Variants in TXN2 observed in about 807,000 individuals in gnomAD.
TXN2 encodes the protein thioredoxin, mitochondrial.
TXN2 carries 12 observed loss-of-function variants against 14.6 expected under a neutral mutation model. The ratio of observed to expected loss-of-function variants is 0.82; its 90% CI spans 0.53 to 1.33. The LOEUF (loss-of-function observed/expected upper bound fraction) is 1.33. Ranked by LOEUF, TXN2 falls within the 40% of genes most tolerant of loss-of-function variation. The probability of loss-of-function intolerance (pLI) is 0.00; values close to 1 mark genes in which losing one functional copy is unlikely to be tolerated. For missense variants in TXN2, 173 were observed against 207.7 expected (o/e 0.83, Z 1.03); for synonymous variants, 89 against 81.0 (o/e 1.10, Z -0.53).
At chr22:36,477,799 G>C (rs1426942214) in intron 2 of TXN2, among the ~76,000 whole-genome samples, 1 of 152,180 alleles carries the variant, frequency 6.6e-6, no homozygotes, top group African/African-American at 2.4e-5. Context: ...TGCAAGATTA[G>C]AGAAGCACAG....
At chr22:36,474,674 G>C (rs766404053) in intron 3 of TXN2, among the ~76,000 whole-genome samples, 1 of 152,124 alleles carries the variant, frequency 6.6e-6, no homozygotes, top group Non-Finnish European at 1.5e-5. Flanking sequence ...AAAATACTTC[G>C]AGTGCCAGAC....
intron 2 of TXN2, among the ~76,000 whole-genome samples, chr22:36,478,047 G>T (rs1015232639): frequency 7.0e-6 from 1 of 143,762 alleles, no homozygotes; most frequent in Non-Finnish European, 1.5e-5. Context: ...TGAGGCAGGA[G>T]AATCACTTTA....
chr22:36,476,633 T>G (rs1481445767), intron 3 of TXN2, 100 bp downstream of exon 3: 3 of 1,506,982 alleles, frequency 2.0e-6, no homozygotes, highest in African/African-American at 2.8e-5. Context: ...CCTTGCTTAC[T>G]GGCTACCTGT....
chr22:36,469,010 C>T (rs889684463), intron 3 of TXN2, among the ~76,000 whole-genome samples: 1 of 151,784 alleles, frequency 6.6e-6, no homozygotes, highest in Non-Finnish European at 1.5e-5. Flanking sequence ...CCACTGCACT[C>T]CAGCCTGGGT....
At chr22:36,481,640 C>CA (rs370087694), upstream of TXN2, 700 of 949,474 alleles carry the variant, frequency 7.4e-4, 6 homozygotes, top group African/African-American at 0.012. Flanking sequence ...GTCACTTCCT[C>CA]GGGGGGGGAC....
chr22:36,468,702 G>A (rs780744953), intron 3 of TXN2: 2 of 446,054 alleles, frequency 4.5e-6, no homozygotes, highest in Non-Finnish European at 8.9e-6. Context: ...TCCAGCCTGG[G>A]TGACAGAGAC....
chr22:36,480,854 C>T lies in TXN2; in HGVS notation c.1-17G>A, dbSNP rs755186405. ...CTGAGCCATCTGTGAGGGAAAGAGGCAGAAGAACTGGGGCACACAAAAGGA... is the reference window on the plus strand; with the variant it reads ...CTGAGCCATCTGTGAGGGAAAGAGGTAGAAGAACTGGGGCACACAAAAGGA... On this transcript the variant is annotated splice_polypyrimidine_tract_variant and intron_variant, in intron 1 of 3. Coordinates refer to ENST00000216185, the MANE Select transcript of TXN2 (RefSeq NM_012473.4). 1.2e-5 allele frequency: 19 copies of T among 1,538,008 alleles called. No homozygotes were observed. The East Asian group carries it at 2.0e-4, about 17-fold the overall frequency.
intron 2 of TXN2, among the ~76,000 whole-genome samples, chr22:36,477,317 C>T (rs997743103): frequency 1.3e-5 from 2 of 152,196 alleles, no homozygotes; most frequent in African/African-American, 4.8e-5. Flanking sequence ...ACGCCATTCT[C>T]CTGCCTCAGC....
intron 2 of TXN2, among the ~76,000 whole-genome samples, chr22:36,477,234 G>A (rs1436341883): frequency 1.3e-5 from 2 of 152,128 alleles, no homozygotes; most frequent in Admixed American, 6.5e-5. Context: ...TTGAGACGGA[G>A]TCTCGCTCTA....
Position 36,480,808 on chromosome 22 carries a change from G to A in TXN2, c.30C>T (p.Phe10=). The change falls in exon 2 of 4, where the codon TTC becomes TTT. Residue 10 remains phenylalanine (F), a synonymous_variant. Coordinates refer to ENST00000216185, the MANE Select transcript of TXN2 (RefSeq NM_012473.4). MAQRLLLRR[F]LASVISRKPS... is the part of the protein sequence containing the mutation. ...GCTTCCTGGAGATGACAGAGGCCAG[G>A]AACCTCCTCAGAAGAAGTCGCTGAG... The A allele has an allele frequency of 1.2e-6, 2 of 1,601,804 alleles. No homozygotes were observed. Among genetic ancestry groups the A allele is most frequent in the Non-Finnish European group, 1.7e-6 (2 of 1,173,080 alleles).
rs1933174427 is a variant in TXN2 at position 36,467,088 on chromosome 22, T to C, written c.*716A>G. On this transcript the variant is annotated 3_prime_UTR_variant, in exon 4 of 4. Transcript: ENST00000216185. Reference sequence around the variant, plus strand: ...CTTTATTTGTCTGACTTGTTCACAGTTCAGCCCCCTGCTCAGAAAACCAAC... The same window carrying C: ...CTTTATTTGTCTGACTTGTTCACAGCTCAGCCCCCTGCTCAGAAAACCAAC... 2 of 153,318 alleles carry C rather than the reference T, an allele frequency of 1.3e-5. No homozygotes were observed. Among genetic ancestry groups the C allele is most frequent in the African/African-American group, 4.8e-5 (2 of 41,444 alleles). The allele number at this position is 153,318 out of a possible 1,614,324, so 9.5% of individuals were successfully genotyped here.
Position 36,476,775 on chromosome 22 carries a change from C to T in TXN2, c.345G>A (p.Lys115=), listed in dbSNP as rs756866519. 2.0e-5 allele frequency: 33 copies of T among 1,614,160 alleles called. No individual in the cohort carries two copies. The highest frequency in any genetic ancestry group is 2.6e-5 in the Non-Finnish European group (31 of 1,180,032). The change falls in exon 3 of 4, where the codon AAG becomes AAA. Residue 115 remains lysine, a synonymous_variant. Transcript: ENST00000216185. Reference sequence around the variant, plus strand: ...GGTCTGTGTGGTCATCAATATCCACCTTGGCCATCACCACCTTCCCGTGCT... The same window carrying T: ...GGTCTGTGTGGTCATCAATATCCACTTTGGCCATCACCACCTTCCCGTGCT... ...AKQHGKVVMA[K]VDIDDHTDLA...
At chr22:36,468,354 A>C (rs1034059613) in intron 3 of TXN2, among the ~76,000 whole-genome samples, 5 of 152,166 alleles carry the variant, frequency 3.3e-5, no homozygotes, top group African/African-American at 1.2e-4. Context: ...GGGTCACAGC[A>C]CCTTTCTGAG....
At chr22:36,470,794 AAAG>A (rs1182212505) in intron 3 of TXN2, among the ~76,000 whole-genome samples, 3 of 151,926 alleles carry the variant, frequency 2.0e-5, no homozygotes, top group Non-Finnish European at 2.9e-5. Flanking sequence ...AAAAAAAAAA[AAAG>A]AACTCCAGAT....
intron 1 of TXN2, 143 bp downstream of exon 1, chr22:36,481,421 G>T: frequency 5.2e-6 from 1 of 192,954 alleles, no homozygotes; most frequent in Non-Finnish European, 1.1e-5. Flanking sequence ...GAGGGAACTG[G>T]GAAAAATCGG....
At chr22:36,480,957 A>G in intron 1 of TXN2, 120 bp from the exon 2 acceptor site, 1 of 1,107,372 alleles carries the variant, frequency 9.0e-7, no homozygotes, top group Admixed American at 3.2e-5. Flanking sequence ...ATGCAAGGAA[A>G]TCATATGTAA....
intron 2 of TXN2, among the ~76,000 whole-genome samples, chr22:36,477,166 G>A (rs1568978521): frequency 1.3e-5 from 2 of 152,160 alleles, no homozygotes; most frequent in Non-Finnish European, 2.9e-5. Context: ...GGTTCAAACA[G>A]AGGCTTCTCA....
rs1043874366 is a variant in TXN2 at position 36,479,273 on chromosome 22, C to G, written c.263+1302G>C. ...GCCACAGGGTGAGTCAGAGAAACAA[C>G]TGGAAAGCCAGCGAAACAATCTGTC... On this transcript the variant is annotated intron_variant, in intron 2 of 3. Coordinates refer to ENST00000216185, the MANE Select transcript of TXN2 (RefSeq NM_012473.4). Among the ~76,000 whole-genome samples, 68 of 152,064 alleles carry G rather than the reference C, an allele frequency of 4.5e-4. 1 individual carries two copies. Among genetic ancestry groups the G allele is most frequent in the Admixed American group, 2.6e-4 (4 of 15,272 alleles).
chr22:36,467,636 G>C lies in TXN2; in HGVS notation c.*168C>G. ...GCAGCAGCACCACCATCCTCTGATG[G>C]CCCCTGGGCAGTCCGCCAGCTCGGA... On this transcript the variant is annotated 3_prime_UTR_variant, in exon 4 of 4. Coordinates refer to ENST00000216185, the MANE Select transcript of TXN2 (RefSeq NM_012473.4). The C allele has an allele frequency of 1.6e-6, 1 of 613,242 alleles. No individual in the cohort carries two copies. The highest frequency in any genetic ancestry group is 2.9e-6 in the Non-Finnish European group (1 of 343,692). The allele number at this position is 613,242 out of a possible 1,614,324, so 38.0% of individuals were successfully genotyped here. A position where few individuals can be genotyped will look rare whatever the true frequency, so the allele number is the denominator to read the frequency against.
Sources: allele counts gnomAD v4.1 joint callset (sites outside exome capture counted in the v4.1 genomes callset), GRCh38; gene constraint gnomAD v4.1.1; transcripts MANE v1.5; gene names NCBI Gene and HGNC (gene_info 2026-07-23, HGNC 2026-07-21).